Variants in SF3B1 observed in about 807,000 individuals in gnomAD.
The protein encoded by SF3B1 is splicing factor 3b subunit 1, also known as pre-mRNA processing 10.
SF3B1 carries 12 observed loss-of-function variants against 153.8 expected under a neutral mutation model. The observed-to-expected ratio is 0.08, with a 90% CI of 0.05 to 0.13. The LOEUF (loss-of-function observed/expected upper bound fraction) is 0.13. SF3B1 is among the 10% of genes least tolerant of loss of function. The pLI is 1.00. For synonymous variants in SF3B1, 498 were observed against 525.2 expected (o/e 0.95, Z 0.71); for missense variants, 513 against 1,606.1 (o/e 0.32, Z 11.63).
rs762893819 is a variant in SF3B1, at chr2:197,401,357, T to C, written c.2496+43A>G. The C allele has an allele frequency of 2.6e-6, 4 of 1,553,970 alleles. No homozygotes were observed. The highest frequency in any genetic ancestry group is 2.4e-5 in the South Asian group (2 of 83,676). On this transcript the variant is annotated intron_variant, in intron 17 of 24. Transcript: ENST00000335508. The surrounding 1 kb of genome is among the most constrained non-coding windows in gnomAD (Gnocchi z 4.2). Reference sequence around the variant, plus strand: ...GCATTCAAGTTGACTAAAGAATGAGTTGAAAGGACTTTTGAGAATATTCTT... The same window carrying C: ...GCATTCAAGTTGACTAAAGAATGAGCTGAAAGGACTTTTGAGAATATTCTT...
At chr2:197,432,073 A>G (rs1326397761) in intron 1 of SF3B1, among the ~76,000 whole-genome samples, 1 of 152,194 alleles carries the variant, frequency 6.6e-6, no homozygotes, top group African/African-American at 2.4e-5. Flanking sequence ...TAAGTGAGCT[A>G]TGATCACGCC....
intron 9 of SF3B1, 77 bp downstream of exon 9, chr2:197,407,921 A>C: frequency 7.2e-7 from 1 of 1,379,454 alleles, no homozygotes; most frequent in East Asian, 2.3e-5. Flanking sequence ...AAGCCAATGC[A>C]AGCTTAATCA....
In SF3B1 at chr2:197,418,526, G is replaced by T. The variant is rs747533615; in HGVS notation, c.478C>A (p.His160Asn). 11 of 1,611,266 alleles carry T rather than the reference G, an allele frequency of 6.8e-6. No individual in the cohort carries two copies. The highest frequency in any genetic ancestry group is 9.3e-6 in the Non-Finnish European group (11 of 1,177,828). The change falls in exon 5 of 25, where the codon CAC becomes AAC. Residue 160 changes from histidine (H) to asparagine (N), a missense_variant. By Grantham distance (68) the His-to-Asn change is moderately conservative (BLOSUM62 1). Around this residue, in one of 21 missense-constraint regions of SF3B1, gnomAD observed 45 missense variants for 65.5 expected, o/e 0.69. Coordinates refer to ENST00000335508, the MANE Select transcript of SF3B1 (RefSeq NM_012433.4). ...TTACATACTTCTTCTTTAGTCAAGT[G>T]TTGTTCTCGCATTACATCCATGTAA... ...RTYMDVMREQ[H>N]LTKEEREIRQ...
chr2:197,425,725 C>CG, intron 1 of SF3B1, among the ~76,000 whole-genome samples: 1 of 152,014 alleles, frequency 6.6e-6, no homozygotes, highest in Non-Finnish European at 1.5e-5. Context: ...TGGAGGCAGA[C>CG]GCGGTAGCTC....
Position 197,394,209 on chromosome 2 carries a change from C to G in SF3B1, c.3540-1021G>C, listed in dbSNP as rs561145641. On this transcript the variant is annotated intron_variant, in intron 23 of 24. Transcript: ENST00000335508. ...CAAAAAAAAAAGAAAAATTATTTTT[C>G]TTTTTTATTGTTATTGTTAGAGATA... 2.0e-5 allele frequency among the ~76,000 whole-genome samples: 3 copies of G among 151,960 alleles called. No homozygotes were observed. In the East Asian group the frequency reaches 5.8e-4, roughly 29 times the overall value.
rs777051275 is a variant in SF3B1 at position 197,400,378 on chromosome 2, G to C, written c.2775C>G (p.Val925=). The C allele has an allele frequency of 1.7e-5, 27 of 1,613,786 alleles. No homozygotes were observed. The highest frequency in any genetic ancestry group is 2.3e-5 in the Non-Finnish European group (27 of 1,179,930). ...GTVVNALGKR[V]KPYLPQICGT... ...CACAGATCTGAGGCAAGTATGGTTT[G>C]ACTCGTTTGCCAAGAGCATTAACCA... The change falls in exon 19 of 25, where the codon GTC becomes GTG. Residue 925 remains valine (V), a synonymous_variant. Transcript: ENST00000335508. This position sits in a 1 kb window ranked among gnomAD's most constrained non-coding sequence, Gnocchi z 5.0.
intron 9 of SF3B1, among the ~76,000 whole-genome samples, chr2:197,406,221 T>G (rs1186872310): frequency 6.6e-6 from 1 of 150,818 alleles, no homozygotes; most frequent in African/African-American, 2.4e-5. Context: ...CTTGGCAACA[T>G]GGCAAGACCC....
In SF3B1 at chr2:197,421,178, C is replaced by G. The variant is rs557613487; in HGVS notation, c.196-45G>C. The G allele has an allele frequency of 6.7e-5, 84 of 1,251,684 alleles. 1 individual carries two copies. The South Asian group carries it at 9.8e-4, about 15-fold the overall frequency. 77.5% of individuals were successfully genotyped at this position (1,251,684 alleles called of 1,614,324 possible). ...AAAAGCCATAAACAAAATGTTAGAACTTAAAAATTAGAAAGAATATGCAAA... is the reference window on the plus strand; with the variant it reads ...AAAAGCCATAAACAAAATGTTAGAAGTTAAAAATTAGAAAGAATATGCAAA... On this transcript the variant is annotated intron_variant, in intron 2 of 24. Coordinates refer to ENST00000335508, the MANE Select transcript of SF3B1 (RefSeq NM_012433.4).
In SF3B1 at chr2:197,400,466, C is replaced by A; in HGVS notation, c.2719-32G>T. On this transcript the variant is annotated intron_variant, in intron 18 of 24. Coordinates refer to ENST00000335508, the MANE Select transcript of SF3B1 (RefSeq NM_012433.4). This position sits in a 1 kb window ranked among gnomAD's most constrained non-coding sequence, Gnocchi z 5.0. ...AATAAATTTAAAAAAAAGACATATT[C>A]ATTTGGTTTATGACTGCACAGTTGA... The A allele has an allele frequency of 6.4e-7, 1 of 1,559,572 alleles. No homozygotes were observed. The highest frequency in any genetic ancestry group is 1.2e-5 in the South Asian group (1 of 83,482).
chr2:197,431,104 CTTTTTTTTTTTTTTT>C (rs558644461), intron 1 of SF3B1, among the ~76,000 whole-genome samples: 18 of 73,712 alleles, frequency 2.4e-4, no homozygotes, highest in Admixed American at 1.9e-4. Context: ...GCCTTTTCTT[CTTTTTTTTTTTTTTT>C]TTTTTTTTTT....
rs1307548418 is a variant in SF3B1, at chr2:197,408,601, G to A, written c.905-20C>T. The A allele has an allele frequency of 1.4e-6, 2 of 1,479,066 alleles. No individual in the cohort carries two copies. Among genetic ancestry groups the A allele is most frequent in the Admixed American group, 1.7e-5 (1 of 59,728 alleles). The allele number at this position is 1,479,066 out of a possible 1,614,324, so 91.6% of individuals were successfully genotyped here. ...GAGTATCTTTAAAAAGAAAGAGTGA[G>A]TAAAACCACAATTTTAATCACTGTT... On this transcript the variant is annotated intron_variant, in intron 7 of 24. Transcript: ENST00000335508.
intron 1 of SF3B1, among the ~76,000 whole-genome samples, chr2:197,425,864 G>C (rs2085327708): frequency 6.6e-6 from 1 of 151,904 alleles, no homozygotes; most frequent in Non-Finnish European, 1.5e-5. Flanking sequence ...GCCAGGTATG[G>C]TGGCAAACCT....
At position 197,391,762 on chromosome 2, in the gene SF3B1, G is replaced by C. The variant is rs182727498; in HGVS notation, c.*541C>G. The stretch of plus-strand genomic sequence containing the variant: ...TGGAATGGTTGTGCTAGTTTGAGGG[G>C]AACATCCCCTGAGGCTACTCTTCTT... On this transcript the variant is annotated 3_prime_UTR_variant, in exon 25 of 25. Coordinates refer to ENST00000335508, the MANE Select transcript of SF3B1 (RefSeq NM_012433.4). 1.5e-4 allele frequency: 23 copies of C among 153,744 alleles called. No homozygotes were observed. Among genetic ancestry groups the C allele is most frequent in the Admixed American group, 2.0e-4 (3 of 15,332 alleles). 9.5% of individuals were successfully genotyped at this position (153,744 alleles called of 1,614,324 possible).
In SF3B1 at chr2:197,392,126, A is replaced by G. The variant is rs2084815666; in HGVS notation, c.*177T>C. 2.3e-6 allele frequency: 1 copy of G among 439,632 alleles called. No homozygotes were observed. The highest frequency in any genetic ancestry group is 4.0e-6 in the Non-Finnish European group (1 of 248,508). 27.2% of individuals were successfully genotyped at this position (439,632 alleles called of 1,614,324 possible). A position where few individuals can be genotyped will look rare whatever the true frequency, so the allele number is the denominator to read the frequency against. ...GTGTTCTTGGTCACTACTGGCATTT[A>G]CTGTTTAACATCAAAAACAAAGACA... On this transcript the variant is annotated 3_prime_UTR_variant, in exon 25 of 25. Coordinates refer to ENST00000335508, the MANE Select transcript of SF3B1 (RefSeq NM_012433.4).
intron 4 of SF3B1, chr2:197,419,990 C>CTTTACTAAG (rs2085213653): frequency 4.4e-6 from 1 of 226,394 alleles, no homozygotes. Flanking sequence ...AAGTAGGTGC[C>CTTTACTAAG]TTTACTAAGC....
chr2:197,408,082 A>C lies in SF3B1; in HGVS notation c.1155T>G (p.Ala385=), dbSNP rs144644361. 3.2e-3 allele frequency: 5,217 copies of C among 1,613,770 alleles called. 11 individuals carry two copies. The highest frequency in any genetic ancestry group is 4.0e-3 in the Non-Finnish European group (4,768 of 1,179,710). The part of the protein sequence containing the change: ...IMSMTPEQLQ[A]WRWEREIDER... Reference sequence around the variant, plus strand: ...CATCAATTTCTCTTTCCCACCGCCAAGCCTGAAGCTGTTCAGGAGTCATAC... The same window carrying C: ...CATCAATTTCTCTTTCCCACCGCCACGCCTGAAGCTGTTCAGGAGTCATAC... The change falls in exon 9 of 25, where the codon GCT becomes GCG. Residue 385 remains alanine, a synonymous_variant. Coordinates refer to ENST00000335508, the MANE Select transcript of SF3B1 (RefSeq NM_012433.4).
intron 6 of SF3B1, among the ~76,000 whole-genome samples, chr2:197,412,066 C>G (rs938088297): frequency 1.3e-5 from 2 of 148,452 alleles, no homozygotes; most frequent in Non-Finnish European, 3.0e-5. Context: ...GCCAAGATCA[C>G]GCCACTGCAC....
At chr2:197,424,019 G>A (rs779738182) in intron 1 of SF3B1, 45 bp from the exon 2 acceptor site, 105 of 1,515,386 alleles carry the variant, frequency 6.9e-5, no homozygotes, top group Non-Finnish European at 8.9e-5. Context: ...CTTTCCAAAA[G>A]AACTCCCAAC....
intron 9 of SF3B1, among the ~76,000 whole-genome samples, chr2:197,406,946 G>A (rs1194210412): frequency 6.6e-6 from 1 of 151,986 alleles, no homozygotes; most frequent in Non-Finnish European, 1.5e-5. Flanking sequence ...AAATTAGCCA[G>A]GTATGGTAGT....
Sources: allele counts gnomAD v4.1 joint callset (sites outside exome capture counted in the v4.1 genomes callset), GRCh38; gene constraint gnomAD v4.1.1; regional missense constraint gnomAD v4.1.1; non-coding constraint Gnocchi (gnomAD v3.1); transcripts MANE v1.5; gene names NCBI Gene and HGNC (gene_info 2026-07-23, HGNC 2026-07-21).